ATP10A: variants seen among roughly 807,000 people sequenced by gnomAD.
ATP10A encodes the protein phospholipid-transporting ATPase VA.
A neutral mutation model predicts 147.8 loss-of-function variants in ATP10A; 111 were observed. The observed-to-expected ratio is 0.75, with a 90% CI of 0.64 to 0.88. The LOEUF is 0.88. Among genes scored for constraint, ATP10A ranks in the 40% least tolerant of loss-of-function variants. The probability of loss-of-function intolerance (pLI) is 0.00; values close to 1 mark genes in which losing one functional copy is unlikely to be tolerated. For missense variants in ATP10A, 1,927 were observed against 1,959.0 expected (o/e 0.98, Z 0.31); for synonymous variants, 875 against 841.6 (o/e 1.04, Z -0.69).
upstream of ATP10A, chr15:25,863,559 G>A (rs559886630): frequency 1.3e-5 from 2 of 152,670 alleles, no homozygotes; most frequent in Admixed American, 6.5e-5. Context: ...CAGTAGGAGA[G>A]AGGAAACCGC....
chr15:25,700,528 C>T (rs12592145), intron 13 of ATP10A, among the ~76,000 whole-genome samples: 15,581 of 152,184 alleles, frequency 0.1, 909 homozygotes, highest in South Asian at 0.24. Context: ...CATGCAACAG[C>T]TCAGGTGAAT....
downstream of ATP10A, among the ~76,000 whole-genome samples, chr15:25,676,110 A>G (rs1899131015): frequency 6.6e-6 from 1 of 152,232 alleles, no homozygotes; most frequent in Non-Finnish European, 1.5e-5. Flanking sequence ...TGGCAGGGTG[A>G]ACACTTATGA....
intron 17 of ATP10A, among the ~76,000 whole-genome samples, chr15:25,682,406 C>T (rs576652034): frequency 8.5e-5 from 13 of 152,332 alleles, no homozygotes; most frequent in African/African-American, 3.1e-4. Context: ...AGTACCAGAG[C>T]AGCTGGCACG....
At chr15:25,807,451 A>G (rs1891238017) in intron 1 of ATP10A, among the ~76,000 whole-genome samples, 1 of 152,208 alleles carries the variant, frequency 6.6e-6, no homozygotes, top group Non-Finnish European at 1.5e-5. Flanking sequence ...ACAGCTGAAC[A>G]CTCCCTGTGA....
At chr15:25,718,102 A>G in intron 8 of ATP10A, 80 bp downstream of exon 8, 1 of 1,436,392 alleles carries the variant, frequency 7.0e-7, no homozygotes. Context: ...GATTAAATAT[A>G]GACACCTTCC....
chr15:25,785,605 G>A (rs1006226965), intron 1 of ATP10A, among the ~76,000 whole-genome samples: 7 of 152,206 alleles, frequency 4.6e-5, no homozygotes, highest in Non-Finnish European at 1.0e-4. Context: ...TGGCAGGAGA[G>A]GCATCTCACC....
chr15:25,695,812 C>T (rs1395865687), intron 13 of ATP10A, among the ~76,000 whole-genome samples: 2 of 152,096 alleles, frequency 1.3e-5, no homozygotes, highest in Admixed American at 6.6e-5. Flanking sequence ...AGGCCCTTAC[C>T]TAACCCCCCA....
At chr15:25,837,829 G>A (rs561440187) in intron 1 of ATP10A, among the ~76,000 whole-genome samples, 14 of 152,320 alleles carry the variant, frequency 9.2e-5, no homozygotes, top group Non-Finnish European at 1.8e-4. Context: ...TCAGGAGCAC[G>A]TGGCAGGCTC....
At chr15:25,851,410 C>A (rs1047851953) in intron 1 of ATP10A, among the ~76,000 whole-genome samples, 2 of 151,854 alleles carry the variant, frequency 1.3e-5, no homozygotes, top group African/African-American at 4.8e-5. Context: ...AAGCAAAAAT[C>A]AATCAAAGAC....
Position 25,781,216 on chromosome 15 carries a change from T to G in ATP10A, c.457A>C (p.Lys153Gln). The change falls in exon 2 of 21, where the codon AAG (lysine) becomes CAG (glutamine). Residue 153 changes from lysine (K) to glutamine (Q), a missense_variant. Transcript: ENST00000555815. Reference protein sequence around the residue: ...LGCLVFSREEKKYVNRFWKEI... With the variant: ...LGCLVFSREEQKYVNRFWKEI... ...TTCCAGAATCGGTTCACGTATTTCT[T>G]TTCTTCCCTAGAAAACAGATTTTGA... 1 of 1,612,924 alleles carries G rather than the reference T, an allele frequency of 6.2e-7. No homozygotes were observed. The highest frequency in any genetic ancestry group is 8.5e-7 in the Non-Finnish European group (1 of 1,179,334).
At chr15:25,705,342 G>A (rs1194920623) in intron 12 of ATP10A, among the ~76,000 whole-genome samples, 5 of 151,770 alleles carry the variant, frequency 3.3e-5, no homozygotes, top group South Asian at 2.1e-4. Flanking sequence ...AGGCTGAGGC[G>A]GGAGGATCAC....
intron 2 of ATP10A, among the ~76,000 whole-genome samples, chr15:25,770,464 G>C (rs186631768): frequency 6.6e-6 from 1 of 152,308 alleles, no homozygotes; most frequent in East Asian, 1.9e-4. Flanking sequence ...TGCTAAATGG[G>C]AGTAATAACA....
chr15:25,699,191 T>TA (rs1232436894), intron 13 of ATP10A, among the ~76,000 whole-genome samples: 1 of 152,160 alleles, frequency 6.6e-6, no homozygotes, highest in Non-Finnish European at 1.5e-5. Flanking sequence ...TTAAGACTTA[T>TA]AAAAAACTAC....
chr15:25,687,911 C>A (rs561756869), intron 15 of ATP10A, 83 bp from the exon 16 acceptor site: 2 of 1,588,746 alleles, frequency 1.3e-6, no homozygotes, highest in East Asian at 4.5e-5. Context: ...GCAAGGTACA[C>A]AACAGGGAAG....
chr15:25,757,756 T>G (rs1194033814), intron 2 of ATP10A, among the ~76,000 whole-genome samples: 1 of 152,262 alleles, frequency 6.6e-6, no homozygotes, highest in Non-Finnish European at 1.5e-5. Flanking sequence ...AATGTCAGTA[T>G]GTTCAATTCT....
chr15:25,683,654 GC>G, intron 16 of ATP10A, 168 bp from the exon 17 acceptor site: 1 of 641,084 alleles, frequency 1.6e-6, no homozygotes, highest in South Asian at 2.0e-5. Context: ...GCTGGCCTCT[GC>G]CTCTCCCTCT....
intron 1 of ATP10A, chr15:25,862,414 T>A (rs914357407): frequency 1.5e-6 from 1 of 646,452 alleles, no homozygotes; most frequent in Non-Finnish European, 2.8e-6. Context: ...TGACAGGGGA[T>A]CCCCACGCGT....
At chr15:25,802,521 C>T (rs950893779) in intron 1 of ATP10A, among the ~76,000 whole-genome samples, 1 of 152,202 alleles carries the variant, frequency 6.6e-6, no homozygotes, top group African/African-American at 2.4e-5. Flanking sequence ...ATGATGTTAT[C>T]GTTCTGTAGG....
rs199722193 is a variant in ATP10A at position 25,679,351 on chromosome 15, C to T, written c.4490G>A (p.Arg1497Gln). Residue 1497 changes from arginine (R) to glutamine (Q), a missense_variant, in exon 21 of 21, where the codon CGG becomes CAG. Transcript: ENST00000555815. ...HRLLIGASSR[R>Q]SQ Reference sequence around the variant, plus strand: ...GCCATTTCAAGGTTTTCACTGTGACCGCCTTGAAGATGCTCCTATAAGTAG... The same window carrying T: ...GCCATTTCAAGGTTTTCACTGTGACTGCCTTGAAGATGCTCCTATAAGTAG... 162 of 1,486,780 alleles carry T rather than the reference C, an allele frequency of 1.1e-4. No individual in the cohort carries two copies. The Admixed American group carries it at 1.2e-3, about 11-fold the overall frequency. 92.1% of individuals were successfully genotyped at this position (1,486,780 alleles called of 1,614,324 possible).
Sources: allele counts gnomAD v4.1 joint callset (sites outside exome capture counted in the v4.1 genomes callset), GRCh38; gene constraint gnomAD v4.1.1; transcripts MANE v1.5; gene names NCBI Gene and HGNC (gene_info 2026-07-23, HGNC 2026-07-21).